The following RNF175 variants were observed in gnomAD, a reference collection of about 807,000 sequenced individuals.
RNF175 encodes ring finger protein 175.
A neutral mutation model predicts 50.0 loss-of-function variants in RNF175; 38 were observed. The observed-to-expected ratio is 0.76, with a 90% confidence interval of 0.59 to 1.00. The LOEUF (loss-of-function observed/expected upper bound fraction) is 1.00. Ranked by LOEUF, RNF175 falls within the 50% of genes least tolerant of loss-of-function variation. The pLI, the probability that RNF175 is intolerant of heterozygous loss-of-function variation, is 0.00. For missense variants in RNF175, 388 were observed against 409.6 expected (o/e 0.95, Z 0.46); for synonymous variants, 155 against 146.1 (o/e 1.06, Z -0.44).
intron 3 of RNF175, among the ~76,000 whole-genome samples, chr4:153,734,685 T>C (rs1269268821): frequency 2.5e-5 from 3 of 121,404 alleles, no homozygotes; most frequent in South Asian, 5.4e-4. Context: ...TTTTTTTTTT[T>C]TTTTTTTTGA....
chr4:153,744,868 AATGGATAC>A (rs1315503825), intron 3 of RNF175, among the ~76,000 whole-genome samples: 1 of 152,256 alleles, frequency 6.6e-6, no homozygotes, highest in Non-Finnish European at 1.5e-5. Context: ...CATGGCAGAA[AATGGATAC>A]ATTTGCTTTA....
intron 6 of RNF175, 68 bp downstream of exon 6, chr4:153,720,116 A>C (rs1447919033): frequency 2.6e-6 from 4 of 1,515,242 alleles, no homozygotes; most frequent in Non-Finnish European, 3.6e-6. Flanking sequence ...AAATGGATGC[A>C]GACATGTAAG....
At chr4:153,731,605 T>A (rs1337973040) in intron 3 of RNF175, among the ~76,000 whole-genome samples, 1 of 150,950 alleles carries the variant, frequency 6.6e-6, no homozygotes, top group Non-Finnish European at 1.5e-5. Flanking sequence ...TTCATTTGGC[T>A]AATTGTACAG....
At chr4:153,727,889 GAA>G (rs1738798181) in intron 4 of RNF175, among the ~76,000 whole-genome samples, 1 of 152,152 alleles carries the variant, frequency 6.6e-6, no homozygotes, top group Admixed American at 6.5e-5. Context: ...GTGGAATAAA[GAA>G]AAATGCTGAG....
At chr4:153,745,816 A>C (rs1179817164) in intron 3 of RNF175, 1 of 152,180 alleles carries the variant, frequency 6.6e-6, no homozygotes, top group Non-Finnish European at 1.5e-5. Flanking sequence ...TCCTGCAATA[A>C]AGGCATTAGT....
chr4:153,712,455 C>T lies in RNF175; in HGVS notation c.866+20G>A. The T allele has an allele frequency of 7.4e-7, 1 of 1,345,902 alleles. No homozygotes were observed. The highest frequency in any genetic ancestry group is 1.1e-6 in the Non-Finnish European group (1 of 941,210). The allele number at this position is 1,345,902 out of a possible 1,614,324, so 83.4% of individuals were successfully genotyped here. A position where few individuals can be genotyped will look rare whatever the true frequency, so the allele number is the denominator to read the frequency against. ...AACATTCAAGATAATCTCTTATAAC[C>T]TTTTTGTTTTAAAGGATATGGATTA... On this transcript the variant is annotated intron_variant, in intron 8 of 8. Coordinates refer to ENST00000347063, the MANE Select transcript of RNF175 (RefSeq NM_173662.4).
Position 153,759,783 on chromosome 4 carries a change from C to G in RNF175, c.66+14G>C. On this transcript the variant is annotated intron_variant, in intron 1 of 8. Transcript: ENST00000347063. Reference sequence around the variant, plus strand: ...GGCCTGGCGTCCCCCACGCCCGCGCCCCCGCGCCAGTACCTGCTCCTGCTG... The same window carrying G: ...GGCCTGGCGTCCCCCACGCCCGCGCGCCCGCGCCAGTACCTGCTCCTGCTG... The G allele has an allele frequency of 6.8e-7, 1 of 1,471,808 alleles. No homozygotes were observed. The highest frequency in any genetic ancestry group is 9.0e-7 in the Non-Finnish European group (1 of 1,116,682). The allele number at this position is 1,471,808 out of a possible 1,614,324, so 91.2% of individuals were successfully genotyped here. A position where few individuals can be genotyped will look rare whatever the true frequency, so the allele number is the denominator to read the frequency against.
intron 3 of RNF175, among the ~76,000 whole-genome samples, chr4:153,746,891 C>T (rs79389532): frequency 0.022 from 3,389 of 152,356 alleles, 44 homozygotes; most frequent in Non-Finnish European, 0.03. Flanking sequence ...ACAGAATTAG[C>T]ACCACCAACG....
chr4:153,715,263 C>G (rs1402471725), intron 7 of RNF175: 1 of 486,096 alleles, frequency 2.1e-6, no homozygotes, highest in African/African-American at 1.9e-5. Flanking sequence ...CTGCCAGCAC[C>G]CTGCTCAGAT....
chr4:153,712,551 A>ATG lies in RNF175; in HGVS notation c.789_790insCA (p.Trp264HisfsTer20). On this transcript the variant is annotated frameshift_variant, in exon 8 of 9. Coordinates refer to ENST00000347063, the MANE Select transcript of RNF175 (RefSeq NM_173662.4). LOFTEE classifies it high-confidence loss of function. Reference sequence around the variant, plus strand: ...GTCTGCTTTTTCCCAACGATACACCAACCTCGGATGCAGAATTCATGAAAG... The same window carrying ATG: ...GTCTGCTTTTTCCCAACGATACACCATGACCTCGGATGCAGAATTCATGAAAG... 2 of 1,612,788 alleles carry ATG rather than the reference A, an allele frequency of 1.2e-6. No homozygotes were observed. The highest frequency in any genetic ancestry group is 1.7e-6 in the Non-Finnish European group (2 of 1,179,006).
chr4:153,710,320 G>A lies in RNF175; in HGVS notation c.*49C>T, dbSNP rs1359732339. 2.1e-6 allele frequency: 3 copies of A among 1,431,002 alleles called. No homozygotes were observed. The highest frequency in any genetic ancestry group is 1.5e-5 in the South Asian group (1 of 66,928). 88.6% of individuals were successfully genotyped at this position (1,431,002 alleles called of 1,614,324 possible). A position where few individuals can be genotyped will look rare whatever the true frequency, so the allele number is the denominator to read the frequency against. On this transcript the variant is annotated 3_prime_UTR_variant, in exon 9 of 9. Transcript: ENST00000347063. ...ATTAAAAAAATTAATATTAAATGTT[G>A]GACCAAGGATTTCAACCATGCAGTA...
intron 6 of RNF175, among the ~76,000 whole-genome samples, chr4:153,717,255 A>G (rs780062589): frequency 6.6e-6 from 1 of 152,022 alleles, no homozygotes; most frequent in Non-Finnish European, 1.5e-5. Context: ...CATATCCCCA[A>G]TCACTGTGGA....
rs56211482 is a variant in RNF175 at position 153,734,665 on chromosome 4, C to CTTT, written c.247-6307_247-6305dup. ...TCCAAGTCTGGCTTGTTTTTTTATT[C>CTTT]TTTTTTTTTTTTTTTTTTTTTTTTT... On this transcript the variant is annotated intron_variant, in intron 3 of 8. Transcript: ENST00000347063. 4.6e-4 allele frequency among the ~76,000 whole-genome samples: 34 copies of CTTT among 73,178 alleles called. 4 individuals are homozygous for CTTT. Among genetic ancestry groups the CTTT allele is most frequent in the African/African-American group, 2.2e-3 (26 of 12,002 alleles). 48.0% of individuals were successfully genotyped at this position (73,178 alleles called of 152,430 possible). A position where few individuals can be genotyped will look rare whatever the true frequency, so the allele number is the denominator to read the frequency against.
intron 3 of RNF175, among the ~76,000 whole-genome samples, chr4:153,735,216 T>A (rs1290797448): frequency 6.7e-6 from 1 of 149,962 alleles, no homozygotes; most frequent in Non-Finnish European, 1.5e-5. Context: ...GTATGTTCTG[T>A]GTCTGTGTCT....
chr4:153,724,862 C>T (rs1579052090), intron 4 of RNF175, among the ~76,000 whole-genome samples: 1 of 151,714 alleles, frequency 6.6e-6, no homozygotes, highest in African/African-American at 2.4e-5. Flanking sequence ...CCACCTACTC[C>T]ACCAGGTGTG....
At chr4:153,740,454 G>C (rs888402122) in intron 3 of RNF175, among the ~76,000 whole-genome samples, 1 of 151,978 alleles carries the variant, frequency 6.6e-6, no homozygotes, top group African/African-American at 2.4e-5. Flanking sequence ...TTTTTGCAGT[G>C]AGAACATTTA....
At chr4:153,742,675 A>G (rs534337752) in intron 3 of RNF175, among the ~76,000 whole-genome samples, 2 of 152,296 alleles carry the variant, frequency 1.3e-5, no homozygotes, top group African/African-American at 2.4e-5. Flanking sequence ...CCCTTGGCCA[A>G]GGTTTTTAAT....
rs747555961 is a variant in RNF175, at chr4:153,723,348, T to C, written c.509+3A>G. 1 of 1,435,976 alleles carries C rather than the reference T, an allele frequency of 7.0e-7. No homozygotes were observed. Among genetic ancestry groups the C allele is most frequent in the South Asian group, 1.2e-5 (1 of 86,486 alleles). 89.0% of individuals were successfully genotyped at this position (1,435,976 alleles called of 1,614,324 possible). A position where few individuals can be genotyped will look rare whatever the true frequency, so the allele number is the denominator to read the frequency against. ...TATTAATGTCTTAATTGGAGATACT[T>C]ACTTGAAAAACAGATTGAATCCACA... is the stretch of plus-strand genomic sequence containing the variant. On this transcript the variant is annotated splice_donor_region_variant and intron_variant, in intron 5 of 8. Coordinates refer to ENST00000347063, the MANE Select transcript of RNF175 (RefSeq NM_173662.4).
At chr4:153,753,154 C>T (rs1239164036) in intron 1 of RNF175, among the ~76,000 whole-genome samples, 2 of 152,124 alleles carry the variant, frequency 1.3e-5, no homozygotes, top group East Asian at 1.9e-4. Flanking sequence ...CAAAAGACAC[C>T]GAAGCCCACC....
Sources: gnomAD v4.1 joint callset for allele counts (sites outside exome capture counted in the v4.1 genomes callset) on GRCh38, gnomAD v4.1.1 for gene constraint, MANE v1.5 for transcripts, NCBI Gene and HGNC (gene_info 2026-07-23, HGNC 2026-07-21) for gene names.